FSTL5: variants seen among roughly 807,000 people sequenced by gnomAD.
The protein encoded by FSTL5 is follistatin-related protein 5.
FSTL5 carries 62 observed loss-of-function variants against 89.1 expected under a neutral mutation model. The ratio of observed to expected loss-of-function variants is 0.70; its 90% CI spans 0.57 to 0.86. The LOEUF (loss-of-function observed/expected upper bound fraction) is 0.86, where lower values mean the gene tolerates loss of function less well. Ranked by LOEUF, FSTL5 falls within the 40% of genes least tolerant of loss-of-function variation. FSTL5 has a pLI of 0.00. For missense variants in FSTL5, 1,057 were observed against 1,001.6 expected, an observed-to-expected ratio of 1.06 and a Z score of -0.75; for synonymous variants, 383 against 346.2, an observed-to-expected ratio of 1.11 and a Z score of -1.18.
At chr4:161,441,093 T>C (rs1016191414) in intron 15 of FSTL5, among the ~76,000 whole-genome samples, 1 of 152,086 alleles carries the variant, frequency 6.6e-6, no homozygotes, top group Non-Finnish European at 1.5e-5. Flanking sequence ...TTACAGGATG[T>C]TTTTTCTCTA....
intron 1 of FSTL5, among the ~76,000 whole-genome samples, chr4:162,133,637 C>T (rs1732407934): frequency 1.3e-5 from 2 of 152,026 alleles, no homozygotes; most frequent in African/African-American, 4.8e-5. Flanking sequence ...CAGCTGGTGC[C>T]AGTCATATGG....
intron 2 of FSTL5, among the ~76,000 whole-genome samples, chr4:162,070,704 T>C (rs1025700236): frequency 2.6e-5 from 4 of 151,766 alleles, no homozygotes; most frequent in African/African-American, 9.7e-5. Context: ...ATATTAGATT[T>C]CTCAGCAGAA....
intron 1 of FSTL5, among the ~76,000 whole-genome samples, chr4:162,146,856 A>G (rs1414289014): frequency 1.3e-5 from 2 of 150,972 alleles, no homozygotes; most frequent in Non-Finnish European, 2.9e-5. Flanking sequence ...ATCTTGGCTC[A>G]CTGCAACCTC....
chr4:161,496,142 C>T lies in FSTL5; in HGVS notation c.1458+3874G>A, dbSNP rs117178901. 4.9e-4 allele frequency among the ~76,000 whole-genome samples: 74 copies of T among 152,210 alleles called. No homozygotes were observed. In the East Asian group the frequency reaches 0.013, roughly 26 times the overall value. On this transcript the variant is annotated intron_variant, in intron 12 of 15. Transcript: ENST00000306100. ...TTTTAAACTTAGAGAATGCATAAAA[C>T]GATGAATAGCTAAGGCTCAAAGCAA... is the stretch of plus-strand genomic sequence containing the variant.
At chr4:161,476,173 G>GTTT (rs1231231673) in intron 13 of FSTL5, among the ~76,000 whole-genome samples, 19,258 of 79,154 alleles carry the variant, frequency 0.24, 2,694 homozygotes, top group Non-Finnish European at 0.3. Context: ...AAGTTTGCTG[G>GTTT]TTTTTTTTTT....
At chr4:161,993,372 G>T (rs997800354) in intron 3 of FSTL5, among the ~76,000 whole-genome samples, 1 of 151,784 alleles carries the variant, frequency 6.6e-6, no homozygotes, top group African/African-American at 2.4e-5. Context: ...TATAATAAGG[G>T]CATATAATCA....
intron 13 of FSTL5, among the ~76,000 whole-genome samples, chr4:161,465,464 A>T (rs1051682526): frequency 2.0e-5 from 3 of 152,088 alleles, no homozygotes; most frequent in African/African-American, 7.2e-5. Context: ...AATTTACATT[A>T]AAAAAATAAA....
intron 2 of FSTL5, among the ~76,000 whole-genome samples, chr4:162,090,748 G>A (rs952309761): frequency 6.6e-6 from 1 of 151,946 alleles, no homozygotes; most frequent in African/African-American, 2.4e-5. Flanking sequence ...GAACCTGGGA[G>A]GTGGAGGTTC....
chr4:161,509,989 T>C (rs951146525), intron 11 of FSTL5, among the ~76,000 whole-genome samples: 2 of 152,184 alleles, frequency 1.3e-5, no homozygotes, highest in Non-Finnish European at 2.9e-5. Context: ...AGACTACATT[T>C]GAATCCAGGC....
intron 3 of FSTL5, among the ~76,000 whole-genome samples, chr4:161,970,733 A>G (rs1247095384): frequency 6.6e-6 from 1 of 152,134 alleles, no homozygotes; most frequent in African/African-American, 2.4e-5. Context: ...GAAAAAGGCC[A>G]TTAAAAACAG....
chr4:162,008,757 A>G (rs1409157932), intron 3 of FSTL5, among the ~76,000 whole-genome samples: 1 of 151,962 alleles, frequency 6.6e-6, no homozygotes, highest in Non-Finnish European at 1.5e-5. Context: ...ACTTTAGGCC[A>G]TTCTTTTTAA....
chr4:161,603,546 C>T (rs1257572413), intron 7 of FSTL5, among the ~76,000 whole-genome samples: 1 of 152,102 alleles, frequency 6.6e-6, no homozygotes, highest in Admixed American at 6.6e-5. Flanking sequence ...CTGAGATTTC[C>T]GGCCTACAGA....
chr4:161,547,008 T>C (rs1732029960), intron 8 of FSTL5, among the ~76,000 whole-genome samples: 1 of 152,014 alleles, frequency 6.6e-6, no homozygotes, highest in African/African-American at 2.4e-5. Context: ...ATAAAAGGTA[T>C]TGCAATATTT....
At chr4:161,729,935 A>G (rs1739548510) in intron 6 of FSTL5, among the ~76,000 whole-genome samples, 1 of 152,208 alleles carries the variant, frequency 6.6e-6, no homozygotes, top group Admixed American at 6.5e-5. Context: ...CACTACTTCC[A>G]TCTATGTGTA....
chr4:161,945,987 C>T lies in FSTL5; in HGVS notation c.161-25335G>A, dbSNP rs541166882. Among the ~76,000 whole-genome samples, 6 of 152,208 alleles carry T rather than the reference C, an allele frequency of 3.9e-5. No homozygotes were observed. The East Asian group carries it at 1.2e-3, about 29-fold the overall frequency. Reference sequence around the variant, plus strand: ...TTTAAATTTTCCTAATGATCTTCTTCTGGTTCTGACCAACAATATTGCATT... The same window carrying T: ...TTTAAATTTTCCTAATGATCTTCTTTTGGTTCTGACCAACAATATTGCATT... On this transcript the variant is annotated intron_variant, in intron 3 of 15. Transcript: ENST00000306100.
At chr4:161,694,315 G>GGTA (rs1400173337) in intron 6 of FSTL5, among the ~76,000 whole-genome samples, 1 of 151,964 alleles carries the variant, frequency 6.6e-6, no homozygotes, top group Non-Finnish European at 1.5e-5. Flanking sequence ...TATATCTGAT[G>GGTA]GTAGGTACCT....
intron 6 of FSTL5, among the ~76,000 whole-genome samples, chr4:161,746,503 T>C (rs1374919468): frequency 6.6e-6 from 1 of 152,114 alleles, no homozygotes; most frequent in East Asian, 1.9e-4. Flanking sequence ...GGCTTGACTG[T>C]AGCATTTGAC....
chr4:161,829,136 A>C (rs1486772325), intron 4 of FSTL5, among the ~76,000 whole-genome samples: 2 of 45,726 alleles, frequency 4.4e-5, no homozygotes, highest in Non-Finnish European at 8.8e-5. Flanking sequence ...CTTCAGTCAC[A>C]TTTTATATAT....
chr4:162,060,558 C>T (rs1338367851), intron 2 of FSTL5, among the ~76,000 whole-genome samples: 3 of 151,920 alleles, frequency 2.0e-5, no homozygotes, highest in Non-Finnish European at 2.9e-5. Flanking sequence ...GTATATTCTA[C>T]ATATGATATC....
Sources: gnomAD v4.1 joint callset for allele counts (sites outside exome capture counted in the v4.1 genomes callset) on GRCh38, gnomAD v4.1.1 for gene constraint, MANE v1.5 for transcripts, NCBI Gene and HGNC (gene_info 2026-07-23, HGNC 2026-07-21) for gene names.